CLEC16A: variants seen among roughly 807,000 people sequenced by gnomAD.
CLEC16A encodes C-type lectin domain containing 16A.
CLEC16A carries 51 observed loss-of-function variants against 109.5 expected under a neutral mutation model. The observed-to-expected ratio is 0.47, with a 90% confidence interval of 0.37 to 0.59. The LOEUF (loss-of-function observed/expected upper bound fraction) is 0.59, where lower values mean the gene tolerates loss of function less well. Ranked by LOEUF, CLEC16A falls within the 20% of genes least tolerant of loss-of-function variation. The pLI is 0.00. For synonymous variants in CLEC16A, 673 were observed against 564.2 expected (o/e 1.19, Z -2.73); for missense variants, 1,339 against 1,394.0 (o/e 0.96, Z 0.63).
At chr16:11,003,908 A>C (rs2044824462) in intron 11 of CLEC16A, among the ~76,000 whole-genome samples, 1 of 148,442 alleles carries the variant, frequency 6.7e-6, no homozygotes, top group Non-Finnish European at 1.5e-5. Flanking sequence ...CCAAGGTGGG[A>C]GGATCACTTG....
At chr16:11,176,323 T>C (rs1038191576) in intron 23 of CLEC16A, among the ~76,000 whole-genome samples, 1 of 152,232 alleles carries the variant, frequency 6.6e-6, no homozygotes, top group Non-Finnish European at 1.5e-5. Context: ...AATCACTTTT[T>C]CCACTAGTGT....
In CLEC16A at chr16:11,077,033, C is replaced by G. The variant is rs1327342720; in HGVS notation, c.2116+16011C>G. On this transcript the variant is annotated intron_variant, in intron 19 of 23. Transcript: ENST00000409790. Reference sequence around the variant, plus strand: ...AGCACCTGAAATCACAAGGACTGATCATTAGAATCTATTTAAAAACAAAGA... The same window carrying G: ...AGCACCTGAAATCACAAGGACTGATGATTAGAATCTATTTAAAAACAAAGA... Among the ~76,000 whole-genome samples the G allele has an allele frequency of 2.6e-5, 4 of 152,184 alleles. No homozygotes were observed. In the East Asian group the frequency reaches 7.7e-4, roughly 29 times the overall value.
chr16:11,048,244 A>G (rs748937373), intron 17 of CLEC16A: 6 of 152,204 alleles, frequency 3.9e-5, no homozygotes, highest in Non-Finnish European at 8.8e-5. Context: ...TTGCTGCTCC[A>G]CTGGAATGTT....
At position 11,174,092 on chromosome 16, in the gene CLEC16A, G is replaced by A. The variant is rs1243427310; in HGVS notation, c.2807-4243G>A. ...CGCTGCTGCTCAGTGTCCCCTCCAT[G>A]TCGCCTCTGCCGTCCCATTGTTAAA... On this transcript the variant is annotated intron_variant, in intron 23 of 23. Transcript: ENST00000409790. This position sits in a 1 kb window ranked among gnomAD's most constrained non-coding sequence, Gnocchi z 4.7. 6.8e-6 allele frequency: 3 copies of A among 441,632 alleles called. No homozygotes were observed. In the Admixed American group the frequency reaches 7.3e-5, roughly 11 times the overall value. The allele number at this position is 441,632 out of a possible 1,614,324, so 27.4% of individuals were successfully genotyped here.
chr16:11,164,877 T>G (rs1343981273), intron 22 of CLEC16A, among the ~76,000 whole-genome samples: 1 of 152,110 alleles, frequency 6.6e-6, no homozygotes, highest in Non-Finnish European at 1.5e-5. Context: ...GTAGTGTTAG[T>G]AGAGAGCTGG....
chr16:11,146,778 G>A (rs886836702), intron 22 of CLEC16A, among the ~76,000 whole-genome samples: 72 of 151,970 alleles, frequency 4.7e-4, no homozygotes, highest in Non-Finnish European at 4.9e-4. Flanking sequence ...GGGAGGGAGA[G>A]AGGGATGGAT....
At chr16:10,960,425 T>C (rs942688298) in intron 2 of CLEC16A, among the ~76,000 whole-genome samples, 2 of 152,248 alleles carry the variant, frequency 1.3e-5, no homozygotes, top group African/African-American at 4.8e-5. Context: ...TTTCTCATGA[T>C]TAAACTGGCA....
chr16:11,107,540 C>T (rs553920333), intron 19 of CLEC16A, among the ~76,000 whole-genome samples: 2 of 152,218 alleles, frequency 1.3e-5, no homozygotes, highest in Non-Finnish European at 2.9e-5. Flanking sequence ...CTAGTTCACA[C>T]CCTCGGTGGG....
intron 11 of CLEC16A, among the ~76,000 whole-genome samples, chr16:11,009,400 A>G (rs1031661306): frequency 6.6e-6 from 1 of 152,154 alleles, no homozygotes; most frequent in Non-Finnish European, 1.5e-5. Context: ...CGCTATAAAC[A>G]TGGGTATACA....
At chr16:11,029,246 G>A (rs899894114) in intron 13 of CLEC16A, among the ~76,000 whole-genome samples, 1 of 152,118 alleles carries the variant, frequency 6.6e-6, no homozygotes, top group African/African-American at 2.4e-5. Context: ...CCATGGTGAG[G>A]TGGTCTCTCC....
At chr16:11,171,543 C>T (rs1412484059) in intron 23 of CLEC16A, among the ~76,000 whole-genome samples, 2 of 152,240 alleles carry the variant, frequency 1.3e-5, no homozygotes, top group African/African-American at 2.4e-5. Flanking sequence ...ACACATCCAG[C>T]AGAGCTATCC....
At position 10,973,005 on chromosome 16, in the gene CLEC16A, C is replaced by G; in HGVS notation, c.672C>G (p.Val224=). Residue 224 remains valine (V), a synonymous_variant, in exon 7 of 24, where the codon GTC becomes GTG. Transcript: ENST00000409790. The part of the protein sequence containing the change: ...KTAVPYFSNL[V]WFIGSHVIEL... ...CTGTTCCTTACTTCTCCAATTTGGT[C>G]TGGTTCATTGGGAGCCATGTGATCG... is the stretch of plus-strand genomic sequence containing the variant. The G allele has an allele frequency of 6.2e-7, 1 of 1,610,782 alleles. No homozygotes were observed. The highest frequency in any genetic ancestry group is 8.5e-7 in the Non-Finnish European group (1 of 1,178,848).
chr16:11,163,794 A>G (rs946552709), intron 22 of CLEC16A, among the ~76,000 whole-genome samples: 1 of 152,190 alleles, frequency 6.6e-6, no homozygotes, highest in African/African-American at 2.4e-5. Context: ...GGGAGCATAC[A>G]AGGTGTAATC....
intron 19 of CLEC16A, chr16:11,071,231 G>C (rs1178443374): frequency 6.6e-6 from 1 of 152,156 alleles, no homozygotes; most frequent in African/African-American, 2.4e-5. Flanking sequence ...TGTCAGTTCT[G>C]GAAAATTCTC....
At chr16:11,118,261 A>C (rs1207315940) in intron 19 of CLEC16A, among the ~76,000 whole-genome samples, 4 of 152,122 alleles carry the variant, frequency 2.6e-5, no homozygotes, top group Non-Finnish European at 5.9e-5. Flanking sequence ...GCTGGGGACA[A>C]CTTTCAAGTA....
At chr16:10,970,454 C>G (rs2042726006) in intron 4 of CLEC16A, among the ~76,000 whole-genome samples, 1 of 152,202 alleles carries the variant, frequency 6.6e-6, no homozygotes, top group African/African-American at 2.4e-5. Context: ...ATGTTATTAT[C>G]CCCATGTTAT....
At chr16:11,147,874 G>C (rs1172828150) in intron 22 of CLEC16A, among the ~76,000 whole-genome samples, 1 of 152,186 alleles carries the variant, frequency 6.6e-6, no homozygotes, top group Non-Finnish European at 1.5e-5. Flanking sequence ...GTTGGAACCT[G>C]CAACACATTC....
intron 19 of CLEC16A, among the ~76,000 whole-genome samples, chr16:11,080,775 T>C (rs1426643153): frequency 6.6e-6 from 1 of 152,216 alleles, no homozygotes; most frequent in Non-Finnish European, 1.5e-5. Context: ...CTTCTCACAC[T>C]GCATCACTCT....
intron 23 of CLEC16A, among the ~76,000 whole-genome samples, chr16:11,177,295 A>G (rs539792671): frequency 1.9e-4 from 29 of 152,330 alleles, no homozygotes; most frequent in African/African-American, 7.0e-4. Flanking sequence ...ATGGGCCAGC[A>G]TGTGTCTGTA....
Sources: gnomAD v4.1 joint callset for allele counts (sites outside exome capture counted in the v4.1 genomes callset) on GRCh38, gnomAD v4.1.1 for gene constraint, Gnocchi (gnomAD v3.1) non-coding constraint, MANE v1.5 for transcripts, NCBI Gene and HGNC (gene_info 2026-07-23, HGNC 2026-07-21) for gene names.